Variants in LIPC observed in about 807,000 individuals in gnomAD.
The protein encoded by LIPC is lipase C, hepatic type, also known as hepatic triacylglycerol lipase.
In LIPC, 44 loss-of-function variants were observed where a neutral mutation model predicts 50.7. The observed-to-expected ratio is 0.87, with a 90% confidence interval of 0.68 to 1.11. The LOEUF (loss-of-function observed/expected upper bound fraction) is 1.11. Ranked by LOEUF, LIPC falls within the 50% of genes most tolerant of loss-of-function variation. The probability of loss-of-function intolerance (pLI) is 0.00; values close to 1 mark genes in which losing one functional copy is unlikely to be tolerated. For synonymous variants in LIPC, 271 were observed against 256.4 expected, an observed-to-expected ratio of 1.06 and a Z score of -0.54; for missense variants, 697 against 648.2, an observed-to-expected ratio of 1.08 and a Z score of -0.82.
At chr15:58,479,300 A>G (rs1171666921) in intron 1 of LIPC, among the ~76,000 whole-genome samples, 4 of 152,248 alleles carry the variant, frequency 2.6e-5, no homozygotes, top group Non-Finnish European at 5.9e-5. Context: ...AAACAGTAGG[A>G]AAGGTAATGT....
chr15:58,502,509 C>CTTTTTTTTTT (rs11332551), intron 1 of LIPC, among the ~76,000 whole-genome samples: 1 of 144,540 alleles, frequency 6.9e-6, no homozygotes, highest in Non-Finnish European at 1.5e-5. Context: ...GTAATTTTCT[C>CTTTTTTTTTT]TTTTTTTTTT....
Position 58,546,355 on chromosome 15 carries a change from C to T in LIPC, c.808+380C>T, listed in dbSNP as rs572096246. ...CTGGAAGTTTCCTCGTTCCAGGGAC[C>T]GCCTCTATTCTGAACCACATGAGGA... On this transcript the variant is annotated intron_variant, in intron 5 of 8. Transcript: ENST00000299022. Among the ~76,000 whole-genome samples, 21 of 152,284 alleles carry T rather than the reference C, an allele frequency of 1.4e-4. No homozygotes were observed. The South Asian group carries it at 3.9e-3, about 29-fold the overall frequency.
In LIPC at chr15:58,544,391, C is replaced by CTTTTTTTTTTTTTTTTTTTTTTTTTT. The variant is rs572161614; in HGVS notation, c.575-1348_575-1347insTTTTTTTTTTTTTTTTTTTTTTTTTT. Among the ~76,000 whole-genome samples the CTTTTTTTTTTTTTTTTTTTTTTTTTT allele has an allele frequency of 3.6e-5, 4 of 110,272 alleles. 2 individuals are homozygous for CTTTTTTTTTTTTTTTTTTTTTTTTTT. The highest frequency in any genetic ancestry group is 7.3e-5 in the Non-Finnish European group (4 of 54,442). The allele number at this position is 110,272 out of a possible 152,430, so 72.3% of individuals were successfully genotyped here. ...CATATCAGGACATTTTTCTTTTTCTCTTTCTTTTTTTTTTTTTTTTTTGAG... is the reference window on the plus strand; with the variant it reads ...CATATCAGGACATTTTTCTTTTTCTCTTTTTTTTTTTTTTTTTTTTTTTTTTTTTCTTTTTTTTTTTTTTTTTTGAG... On this transcript the variant is annotated intron_variant, in intron 4 of 8. Transcript: ENST00000299022.
At chr15:58,522,270 A>G (rs1892680523) in intron 1 of LIPC, 1 of 153,494 alleles carries the variant, frequency 6.5e-6, no homozygotes, top group Admixed American at 6.5e-5. Context: ...GCTTGGGACG[A>G]GCCACCTCCC....
intron 1 of LIPC, among the ~76,000 whole-genome samples, chr15:58,492,596 A>G (rs1250928967): frequency 1.3e-5 from 2 of 152,284 alleles, no homozygotes; most frequent in Non-Finnish European, 2.9e-5. Flanking sequence ...ACTCAGGCCC[A>G]TTCTTTTAGC....
At chr15:58,478,271 C>A (rs1247759781) in intron 1 of LIPC, among the ~76,000 whole-genome samples, 1 of 152,182 alleles carries the variant, frequency 6.6e-6, no homozygotes, top group Non-Finnish European at 1.5e-5. Flanking sequence ...GACAGTCACG[C>A]TCCATCACCC....
At position 58,515,688 on chromosome 15, in the gene LIPC, A is replaced by G. The variant is rs138695141; in HGVS notation, c.89-22645A>G. ...GTGTCAAATAGGGAGTTTGTGAGACATAATGAGGGCCTGAATTAGATCTGG... is the reference window on the plus strand; with the variant it reads ...GTGTCAAATAGGGAGTTTGTGAGACGTAATGAGGGCCTGAATTAGATCTGG... On this transcript the variant is annotated intron_variant, in intron 1 of 8. Transcript: ENST00000299022. Among the ~76,000 whole-genome samples, 474 of 152,250 alleles carry G rather than the reference A, an allele frequency of 3.1e-3. 4 individuals carry two copies. The highest frequency in any genetic ancestry group is 0.02 in the Middle Eastern group (6 of 294).
At chr15:58,447,590 G>A (rs1318373353) in intron 1 of LIPC, among the ~76,000 whole-genome samples, 1 of 152,186 alleles carries the variant, frequency 6.6e-6, no homozygotes. Context: ...CAATGCTCAG[G>A]ACCTCAATGA....
At chr15:58,558,231 C>A (rs1386109667) in intron 6 of LIPC, among the ~76,000 whole-genome samples, 2 of 151,414 alleles carry the variant, frequency 1.3e-5, no homozygotes, top group Non-Finnish European at 2.9e-5. Context: ...CACCACCACA[C>A]CCAGCTAATT....
At chr15:58,527,185 G>T (rs989592286) in intron 1 of LIPC, among the ~76,000 whole-genome samples, 5 of 152,246 alleles carry the variant, frequency 3.3e-5, no homozygotes. Flanking sequence ...GATGTGCGGA[G>T]AAATCGAATT....
chr15:58,470,378 G>C (rs1315939911), intron 1 of LIPC, among the ~76,000 whole-genome samples: 5 of 152,046 alleles, frequency 3.3e-5, no homozygotes, highest in Admixed American at 6.5e-5. Flanking sequence ...ATAGTAATAA[G>C]TCTAAGAAAT....
intron 1 of LIPC, among the ~76,000 whole-genome samples, chr15:58,537,139 C>G (rs1441612141): frequency 6.6e-6 from 1 of 152,222 alleles, no homozygotes; most frequent in African/African-American, 2.4e-5. Flanking sequence ...AGCTCTTGGC[C>G]TGATCCCTAA....
intron 1 of LIPC, among the ~76,000 whole-genome samples, chr15:58,491,185 C>T (rs1397055400): frequency 6.6e-6 from 1 of 152,136 alleles, no homozygotes; most frequent in African/African-American, 2.4e-5. Flanking sequence ...CCAAAGAAAG[C>T]TCTAGAGCTA....
intron 1 of LIPC, among the ~76,000 whole-genome samples, chr15:58,482,010 T>A (rs1167120934): frequency 6.6e-6 from 1 of 152,088 alleles, no homozygotes; most frequent in Non-Finnish European, 1.5e-5. Flanking sequence ...GAGCCTGGGG[T>A]CAGAAGCAGG....
chr15:58,546,189 G>A (rs999636080), intron 5 of LIPC, among the ~76,000 whole-genome samples: 9 of 152,210 alleles, frequency 5.9e-5, no homozygotes, highest in Admixed American at 1.3e-4. Context: ...ACAGGCCAAC[G>A]CCACGCCCTG....
intron 1 of LIPC, among the ~76,000 whole-genome samples, chr15:58,439,106 T>G (rs1457808429): frequency 6.6e-6 from 1 of 152,124 alleles, no homozygotes; most frequent in Non-Finnish European, 1.5e-5. Context: ...CAGGAAGATG[T>G]GTAGGTGGCG....
At chr15:58,498,449 T>A (rs902262909) in intron 1 of LIPC, among the ~76,000 whole-genome samples, 2 of 151,924 alleles carry the variant, frequency 1.3e-5, no homozygotes, top group Non-Finnish European at 2.9e-5. Context: ...TATCTTGAGG[T>A]GGGTGATGAA....
intron 1 of LIPC, among the ~76,000 whole-genome samples, chr15:58,491,776 C>T (rs1357805597): frequency 1.3e-5 from 2 of 152,212 alleles, no homozygotes; most frequent in African/African-American, 4.8e-5. Flanking sequence ...AGCACTGGCC[C>T]TTCCCTCATC....
intron 2 of LIPC, among the ~76,000 whole-genome samples, chr15:58,539,820 T>TAGAGTG (rs1256580486): frequency 2.0e-5 from 3 of 152,190 alleles, no homozygotes; most frequent in African/African-American, 4.8e-5. Context: ...GCCCTCTGCC[T>TAGAGTG]AGAGTGTTCT....
Sources: allele counts gnomAD v4.1 joint callset (sites outside exome capture counted in the v4.1 genomes callset), GRCh38; gene constraint gnomAD v4.1.1; transcripts MANE v1.5; gene names NCBI Gene and HGNC (gene_info 2026-07-23, HGNC 2026-07-21).